Variants in ZNF385D observed in about 807,000 individuals in gnomAD.
The protein encoded by ZNF385D is zinc finger protein 385D.
Under a neutral mutation model 35.8 loss-of-function variants are expected in ZNF385D, and 15 were observed. The observed-to-expected ratio is 0.42, with a 90% confidence interval of 0.28 to 0.64. The LOEUF (loss-of-function observed/expected upper bound fraction) is 0.64. Among genes scored for constraint, ZNF385D ranks in the 30% least tolerant of loss-of-function variants. ZNF385D has a pLI of 0.23. For synonymous variants in ZNF385D, 212 were observed against 186.8 expected, an observed-to-expected ratio of 1.13 and a Z score of -1.10; for missense variants, 474 against 494.6, an observed-to-expected ratio of 0.96 and a Z score of 0.39.
rs562484830 is a variant in ZNF385D at position 22,031,652 on chromosome 3, G to T, written c.325+137165C>A. On this transcript the variant is annotated intron_variant, in intron 3 of 5. Transcript: ENST00000494108. ...TGGGCCTATGATTGGAGGGGCTGCT[G>T]AGAAGATCTCTGACATGCCCTGGAG... Among the ~76,000 whole-genome samples, 3 of 152,276 alleles carry T rather than the reference G, an allele frequency of 2.0e-5. No individual in the cohort carries two copies. The East Asian group carries it at 5.8e-4, about 29-fold the overall frequency.
At chr3:22,323,608 T>C (rs1323748768) in intron 2 of ZNF385D, among the ~76,000 whole-genome samples, 3 of 152,222 alleles carry the variant, frequency 2.0e-5, no homozygotes, top group Non-Finnish European at 4.4e-5. Context: ...GAAGTAGTAC[T>C]ACACATTGTT....
At chr3:21,941,627 A>G (rs1235423547) in intron 3 of ZNF385D, among the ~76,000 whole-genome samples, 4 of 151,160 alleles carry the variant, frequency 2.6e-5, no homozygotes, top group African/African-American at 4.9e-5. Flanking sequence ...CCTCCCGAGT[A>G]ACTGGGACCA....
chr3:22,314,409 A>C (rs899262505), intron 2 of ZNF385D, among the ~76,000 whole-genome samples: 2 of 152,152 alleles, frequency 1.3e-5, no homozygotes, highest in South Asian at 2.1e-4. Context: ...CATTTAGAAT[A>C]ATAGTCTCCA....
chr3:21,953,690 C>T (rs1016631288), intron 3 of ZNF385D, among the ~76,000 whole-genome samples: 3 of 152,010 alleles, frequency 2.0e-5, no homozygotes, highest in South Asian at 2.1e-4. Flanking sequence ...CATTTAACTT[C>T]AGCAAATACT....
intron 2 of ZNF385D, among the ~76,000 whole-genome samples, chr3:22,303,870 G>A (rs1409874459): frequency 6.6e-6 from 1 of 152,020 alleles, no homozygotes; most frequent in African/African-American, 2.4e-5. Context: ...CTCCATCTCC[G>A]AGGTTCAAGC....
At chr3:21,548,482 C>T (rs1263148838) in intron 3 of ZNF385D, among the ~76,000 whole-genome samples, 3 of 152,154 alleles carry the variant, frequency 2.0e-5, no homozygotes, top group Non-Finnish European at 4.4e-5. Flanking sequence ...TTATCTTCCT[C>T]CTCATATTCT....
At chr3:21,670,289 T>A (rs1170036898) in intron 1 of ZNF385D, among the ~76,000 whole-genome samples, 1 of 151,816 alleles carries the variant, frequency 6.6e-6, no homozygotes, top group Non-Finnish European at 1.5e-5. Context: ...CTTATTTATA[T>A]TGACATAAAT....
At chr3:21,863,263 T>C (rs1222587127) in intron 3 of ZNF385D, among the ~76,000 whole-genome samples, 5 of 152,164 alleles carry the variant, frequency 3.3e-5, no homozygotes, top group East Asian at 1.9e-4. Context: ...ATCATTTGTC[T>C]CATTCGTTTA....
chr3:22,162,574 C>T lies in ZNF385D; in HGVS notation c.325+6243G>A, dbSNP rs546549848. Among the ~76,000 whole-genome samples the T allele has an allele frequency of 3.4e-4, 51 of 152,204 alleles. 1 individual carries two copies. In the South Asian group the frequency reaches 9.7e-3, roughly 29 times the overall value. On this transcript the variant is annotated intron_variant, in intron 3 of 5. Coordinates refer to the ZNF385D transcript ENST00000494108. ...TTTTTTATAGGCATAACAAGACAGCCCTACCTGCCATGCTTTCCTTCCCTC... is the reference window on the plus strand; with the variant it reads ...TTTTTTATAGGCATAACAAGACAGCTCTACCTGCCATGCTTTCCTTCCCTC...
At chr3:21,995,930 A>G (rs766707662) in intron 3 of ZNF385D, among the ~76,000 whole-genome samples, 4 of 152,028 alleles carry the variant, frequency 2.6e-5, no homozygotes, top group Non-Finnish European at 5.9e-5. Context: ...CTTGGGGTGT[A>G]GGATACTGTG....
chr3:22,321,095 C>T (rs1470588688), intron 2 of ZNF385D, among the ~76,000 whole-genome samples: 2 of 150,510 alleles, frequency 1.3e-5, no homozygotes, highest in Non-Finnish European at 3.0e-5. Context: ...TTTAATATCA[C>T]ACTTCATCCT....
intron 3 of ZNF385D, among the ~76,000 whole-genome samples, chr3:21,817,567 T>C (rs1317152634): frequency 6.6e-6 from 1 of 152,016 alleles, no homozygotes; most frequent in Non-Finnish European, 1.5e-5. Context: ...AACAGACACA[T>C]GAAAAAATGC....
chr3:22,259,122 C>A (rs1158633106), intron 2 of ZNF385D, among the ~76,000 whole-genome samples: 2 of 151,828 alleles, frequency 1.3e-5, no homozygotes, highest in Non-Finnish European at 2.9e-5. Flanking sequence ...ATTTCTCTTG[C>A]ACTACTCTGT....
At chr3:21,702,424 A>T (rs1318280893) in intron 1 of ZNF385D, among the ~76,000 whole-genome samples, 1 of 152,106 alleles carries the variant, frequency 6.6e-6, no homozygotes, top group Non-Finnish European at 1.5e-5. Flanking sequence ...GGCCCATGAA[A>T]CCACATTTTC....
chr3:21,990,271 T>G (rs1305461107), intron 3 of ZNF385D, among the ~76,000 whole-genome samples: 1 of 152,200 alleles, frequency 6.6e-6, no homozygotes, highest in Non-Finnish European at 1.5e-5. Flanking sequence ...ATGTAATACT[T>G]TCTTCTTCTC....
intron 3 of ZNF385D, among the ~76,000 whole-genome samples, chr3:22,159,061 A>G (rs981424182): frequency 6.6e-6 from 1 of 152,008 alleles, no homozygotes; most frequent in Non-Finnish European, 1.5e-5. Flanking sequence ...GGACGTGATT[A>G]GTAACTGAAA....
At chr3:21,698,608 C>G (rs1346016239) in intron 1 of ZNF385D, among the ~76,000 whole-genome samples, 5 of 151,472 alleles carry the variant, frequency 3.3e-5, no homozygotes, top group Non-Finnish European at 7.4e-5. Context: ...AAGCAAATAT[C>G]CAGAATCTAC....
chr3:22,208,296 TG>T (rs1464970375), intron 2 of ZNF385D, among the ~76,000 whole-genome samples: 2 of 151,844 alleles, frequency 1.3e-5, no homozygotes, highest in African/African-American at 2.4e-5. Context: ...ACAACATGGA[TG>T]GAACTGGAGG....
chr3:21,563,608 A>G (rs910297993), intron 3 of ZNF385D, among the ~76,000 whole-genome samples: 5 of 152,324 alleles, frequency 3.3e-5, no homozygotes, highest in Admixed American at 6.5e-5. Context: ...TAAGAGTCCT[A>G]CTTGACTGGA....
Sources: gnomAD v4.1 joint callset for allele counts (sites outside exome capture counted in the v4.1 genomes callset) on GRCh38, gnomAD v4.1.1 for gene constraint, MANE v1.5 for transcripts, NCBI Gene and HGNC (gene_info 2026-07-23, HGNC 2026-07-21) for gene names.